The following PREX2 variants were observed in gnomAD, a reference collection of about 807,000 sequenced individuals.
PREX2 encodes phosphatidylinositol 3,4,5-trisphosphate-dependent Rac exchanger 2 protein.
In PREX2, 107 loss-of-function variants were observed where a neutral mutation model predicts 203.2. The ratio of observed to expected loss-of-function variants is 0.53; its 90% CI spans 0.45 to 0.62. The LOEUF (loss-of-function observed/expected upper bound fraction) is 0.62, where lower values mean the gene tolerates loss of function less well. Among genes scored for constraint, PREX2 ranks in the 20% least tolerant of loss-of-function variants. The pLI is 0.00. For synonymous variants in PREX2, 672 were observed against 663.6 expected, an observed-to-expected ratio of 1.01 and a Z score of -0.19; for missense variants, 1,777 against 1,955.9, an observed-to-expected ratio of 0.91 and a Z score of 1.72.
chr8:68,181,888 A>G (rs1021772755), intron 35 of PREX2, among the ~76,000 whole-genome samples: 2 of 152,076 alleles, frequency 1.3e-5, no homozygotes, highest in Non-Finnish European at 2.9e-5. Flanking sequence ...CAAGGTACTT[A>G]TGGTTTAGTG....
rs1360446533 is a variant in PREX2, at chr8:68,114,217, T to TA, written c.3147-1534dup. 20 of 441,070 alleles carry TA rather than the reference T, an allele frequency of 4.5e-5. No homozygotes were observed. The East Asian group carries it at 1.3e-3, about 29-fold the overall frequency. 27.3% of individuals were successfully genotyped at this position (441,070 alleles called of 1,614,324 possible). On this transcript the variant is annotated intron_variant, in intron 25 of 39. Transcript: ENST00000288368. Reference sequence around the variant, plus strand: ...ACAGCACCAAGAACAGTGCATGGTATAATAAATGTGTTTAGTGAAATCACT... The same window carrying TA: ...ACAGCACCAAGAACAGTGCATGGTATAAATAAATGTGTTTAGTGAAATCACT...
At chr8:68,028,267 ATTAAT>A (rs1174231020) in intron 5 of PREX2, among the ~76,000 whole-genome samples, 12 of 151,740 alleles carry the variant, frequency 7.9e-5, no homozygotes, top group Non-Finnish European at 1.0e-4. Context: ...AATGATAATG[ATTAAT>A]TTAACTATTT....
At chr8:67,955,373 C>T (rs1585650572) in intron 1 of PREX2, among the ~76,000 whole-genome samples, 1 of 151,614 alleles carries the variant, frequency 6.6e-6, no homozygotes, top group African/African-American at 2.4e-5. Context: ...TGCCCCCAGG[C>T]ACACACCGCT....
rs190301800 is a variant in PREX2 at position 67,983,355 on chromosome 8, G to A, written c.141+30820G>A. ...TGCATTGCCCAGCTGTGCTGGCTGA[G>A]TGATGTTCGAATATGTAAGCACTTT... is the stretch of plus-strand genomic sequence containing the variant. On this transcript the variant is annotated intron_variant, in intron 1 of 39. Coordinates refer to ENST00000288368, the MANE Select transcript of PREX2 (RefSeq NM_024870.4). 1.4e-3 allele frequency among the ~76,000 whole-genome samples: 214 copies of A among 152,056 alleles called. 2 individuals carry two copies. Among genetic ancestry groups the A allele is most frequent in the Admixed American group, 0.01 (158 of 15,298 alleles).
chr8:67,958,700 C>T (rs182103392), intron 1 of PREX2, among the ~76,000 whole-genome samples: 1 of 152,128 alleles, frequency 6.6e-6, no homozygotes, highest in East Asian at 1.9e-4. Flanking sequence ...AATCAAACGC[C>T]CAACTATGAG....
At chr8:67,982,264 A>C (rs1806295559) in intron 1 of PREX2, among the ~76,000 whole-genome samples, 1 of 152,012 alleles carries the variant, frequency 6.6e-6, no homozygotes, top group South Asian at 2.1e-4. Flanking sequence ...TCTCTATAAA[A>C]ATTTAAAAAA....
intron 39 of PREX2, among the ~76,000 whole-genome samples, chr8:68,227,144 A>T (rs1275768943): frequency 1.3e-5 from 2 of 152,330 alleles, no homozygotes; most frequent in Non-Finnish European, 2.9e-5. Flanking sequence ...TTTAGAATTT[A>T]TCTCTGGCAA....
chr8:68,225,719 C>T (rs2129615510), intron 39 of PREX2, among the ~76,000 whole-genome samples: 1 of 152,302 alleles, frequency 6.6e-6, no homozygotes, highest in South Asian at 2.1e-4. Flanking sequence ...ACTCCTAACT[C>T]TATTTAATCC....
intron 36 of PREX2, 136 bp downstream of exon 36, chr8:68,191,924 T>C: frequency 1.6e-6 from 1 of 623,206 alleles, no homozygotes; most frequent in Non-Finnish European, 2.8e-6. Context: ...CATGAGACAG[T>C]CTCTTCTTTA....
At chr8:68,076,376 G>T (rs1444135583) in intron 14 of PREX2, among the ~76,000 whole-genome samples, 4 of 152,110 alleles carry the variant, frequency 2.6e-5, no homozygotes, top group African/African-American at 9.7e-5. Flanking sequence ...AGAATCGCTT[G>T]AACCAGGGAG....
At chr8:68,100,070 A>G (rs1336733624) in intron 23 of PREX2, 3 of 658,680 alleles carry the variant, frequency 4.6e-6, no homozygotes, top group South Asian at 1.4e-5. Context: ...TTCAAAATAT[A>G]GTAACTGAGG....
At chr8:68,041,078 G>A (rs1177075813) in intron 7 of PREX2, among the ~76,000 whole-genome samples, 3 of 152,102 alleles carry the variant, frequency 2.0e-5, no homozygotes, top group Admixed American at 2.0e-4. Flanking sequence ...GAGCCTTTAT[G>A]TACTTCACCC....
intron 20 of PREX2, among the ~76,000 whole-genome samples, chr8:68,093,329 T>G (rs11988445): frequency 0.45 from 67,028 of 148,204 alleles, 15,671 homozygotes; most frequent in African/African-American, 0.56. Flanking sequence ...GGCGGAGGTT[T>G]TGGTGAGTCG....
At chr8:67,977,532 C>T (rs1259816521) in intron 1 of PREX2, among the ~76,000 whole-genome samples, 15 of 152,034 alleles carry the variant, frequency 9.9e-5, no homozygotes, top group Non-Finnish European at 1.6e-4. Context: ...CATACAACTC[C>T]TACAGTTTTT....
intron 38 of PREX2, among the ~76,000 whole-genome samples, chr8:68,218,248 T>C (rs1198671410): frequency 6.6e-6 from 1 of 152,172 alleles, no homozygotes; most frequent in Non-Finnish European, 1.5e-5. Context: ...TTCGGGTCAC[T>C]GGAGTACTTA....
At chr8:68,138,056 A>G (rs1486083287) in intron 32 of PREX2, among the ~76,000 whole-genome samples, 3 of 152,194 alleles carry the variant, frequency 2.0e-5, no homozygotes, top group Admixed American at 2.0e-4. Flanking sequence ...TTCAGATGTT[A>G]TAAGATTTTA....
chr8:67,957,431 G>A (rs1008323921), intron 1 of PREX2, among the ~76,000 whole-genome samples: 1 of 152,086 alleles, frequency 6.6e-6, no homozygotes, highest in African/African-American at 2.4e-5. Context: ...CCCTTGCAAG[G>A]GCTGCTGGAG....
intron 37 of PREX2, among the ~76,000 whole-genome samples, chr8:68,212,370 AT>A (rs1237247699): frequency 1.3e-5 from 2 of 152,210 alleles, no homozygotes; most frequent in Non-Finnish European, 2.9e-5. Flanking sequence ...TCTCACTAAA[AT>A]TTGATCATCA....
chr8:68,205,984 T>G (rs1812616907), intron 37 of PREX2, among the ~76,000 whole-genome samples: 1 of 152,226 alleles, frequency 6.6e-6, no homozygotes, highest in South Asian at 2.1e-4. Flanking sequence ...CCTGAATTGA[T>G]GTCTACCTAA....
Sources: gnomAD v4.1 joint callset for allele counts (sites outside exome capture counted in the v4.1 genomes callset) on GRCh38, gnomAD v4.1.1 for gene constraint, MANE v1.5 for transcripts, NCBI Gene and HGNC (gene_info 2026-07-23, HGNC 2026-07-21) for gene names.